CLYBL: variants seen among roughly 807,000 people sequenced by gnomAD.
The protein encoded by CLYBL is citramalyl-CoA lyase, mitochondrial.
In CLYBL, 31 loss-of-function variants were observed where a neutral mutation model predicts 38.9. The observed-to-expected ratio is 0.80, with a 90% confidence interval of 0.60 to 1.08. CLYBL has a LOEUF of 1.08. Among genes scored for constraint, CLYBL ranks in the 50% least tolerant of loss-of-function variants. The pLI is 0.00. For synonymous variants in CLYBL, 171 were observed against 158.6 expected (o/e 1.08, Z -0.59); for missense variants, 434 against 411.6 (o/e 1.05, Z -0.47).
chr13:99,704,379 C>T (rs113959544), intron 1 of CLYBL, among the ~76,000 whole-genome samples: 32 of 152,294 alleles, frequency 2.1e-4, no homozygotes, highest in African/African-American at 6.3e-4. Flanking sequence ...CCCAGTTATA[C>T]GGATGTCCTC....
At chr13:99,633,451 C>T (rs908395872) in intron 1 of CLYBL, among the ~76,000 whole-genome samples, 1 of 150,082 alleles carries the variant, frequency 6.7e-6, no homozygotes, top group African/African-American at 2.5e-5. Flanking sequence ...ACAAAAATCG[C>T]TTGAGCCTGG....
rs931117367 is a variant in CLYBL at position 99,797,202 on chromosome 13, AGAAAT to A, written c.249+24197_249+24201del. Among the ~76,000 whole-genome samples, 7 of 152,344 alleles carry A rather than the reference AGAAAT, an allele frequency of 4.6e-5. No individual in the cohort carries two copies. The South Asian group carries it at 6.2e-4, about 14-fold the overall frequency. ...CTCATATAGATGCATGTGTGGAGACAGAAATGAAAGAACTCAAGTCATGAGTTGAA... is the reference window on the plus strand; with the variant it reads ...CTCATATAGATGCATGTGTGGAGACAGAAAGAACTCAAGTCATGAGTTGAA... On this transcript the variant is annotated intron_variant, in intron 2 of 8. Transcript: ENST00000339105.
chr13:99,635,809 A>G (rs970405198), intron 1 of CLYBL, among the ~76,000 whole-genome samples: 8 of 152,174 alleles, frequency 5.3e-5, no homozygotes, highest in Non-Finnish European at 1.2e-4. Flanking sequence ...TAATCTCCCC[A>G]GTCTCAGTTT....
intron 1 of CLYBL, among the ~76,000 whole-genome samples, chr13:99,620,702 G>A (rs1291332934): frequency 2.0e-5 from 3 of 151,988 alleles, no homozygotes; most frequent in African/African-American, 4.8e-5. Context: ...GCTTAAACCC[G>A]GAAGGTGGAG....
At chr13:99,786,465 T>A (rs1442537670) in intron 2 of CLYBL, among the ~76,000 whole-genome samples, 8 of 152,156 alleles carry the variant, frequency 5.3e-5, no homozygotes, top group African/African-American at 1.9e-4. Context: ...TGTTTGGTTT[T>A]TTGTTCTTGT....
intron 1 of CLYBL, among the ~76,000 whole-genome samples, chr13:99,741,710 C>A (rs2048759533): frequency 6.6e-6 from 1 of 152,186 alleles, no homozygotes; most frequent in Admixed American, 6.5e-5. Context: ...CTCCTGACCT[C>A]AGGTGATCCA....
chr13:99,879,399 AC>A (rs1186066019), intron 7 of CLYBL, among the ~76,000 whole-genome samples: 3 of 151,958 alleles, frequency 2.0e-5, no homozygotes, highest in Non-Finnish European at 4.4e-5. Flanking sequence ...TCTTTGCTAC[AC>A]CTCTTCCTTT....
rs557696204 is a variant in CLYBL at position 99,866,351 on chromosome 13, G to C, written c.746G>C (p.Arg249Pro). The C allele has an allele frequency of 9.9e-6, 16 of 1,614,144 alleles. 1 individual carries two copies. In the South Asian group the frequency reaches 1.8e-4, roughly 18 times the overall value. The part of the protein sequence containing the change: ...QAIDLVYIDF[R>P]DGAGLLRQSR... ...ATAGATCTGGTGTACATTGACTTTCGAGATGGAGCTGGGCTGCTTAGACAG... is the reference window on the plus strand; with the variant it reads ...ATAGATCTGGTGTACATTGACTTTCCAGATGGAGCTGGGCTGCTTAGACAG... Residue 249 changes from arginine (R) to proline (P), a missense_variant, in exon 6 of 9, where the codon CGA becomes CCA. By Grantham distance (103) the Arg-to-Pro change is moderately radical (BLOSUM62 -2). Transcript: ENST00000339105.
At chr13:99,759,336 G>T (rs760528556) in intron 1 of CLYBL, among the ~76,000 whole-genome samples, 3 of 152,214 alleles carry the variant, frequency 2.0e-5, no homozygotes, top group Non-Finnish European at 2.9e-5. Flanking sequence ...GAAGCAACAG[G>T]TGGTGGATTG....
intron 1 of CLYBL, among the ~76,000 whole-genome samples, chr13:99,701,995 G>A (rs1048536494): frequency 2.0e-5 from 3 of 152,176 alleles, no homozygotes; most frequent in Admixed American, 2.0e-4. Context: ...TCCCCTGTAA[G>A]TAGCAGCCAA....
intron 7 of CLYBL, among the ~76,000 whole-genome samples, chr13:99,879,949 G>A (rs1171862351): frequency 6.6e-6 from 1 of 151,780 alleles, no homozygotes; most frequent in Non-Finnish European, 1.5e-5. Flanking sequence ...AACAGTAGTG[G>A]TGGCCATCAT....
At position 99,849,783 on chromosome 13, in the gene CLYBL, T is replaced by G. The variant is rs1003133156; in HGVS notation, c.250-9078T>G. ...GAGGAAGAGAGGGGAAGGTGACGGA[T>G]AGGGCTATGGCAGCAGAGAGCCAGC... On this transcript the variant is annotated intron_variant, in intron 2 of 8. Coordinates refer to ENST00000339105, the MANE Select transcript of CLYBL (RefSeq NM_206808.5). This position sits in a 1 kb window ranked among gnomAD's most constrained non-coding sequence, Gnocchi z 4.9. Among the ~76,000 whole-genome samples, 2 of 152,082 alleles carry G rather than the reference T, an allele frequency of 1.3e-5. No homozygotes were observed. The highest frequency in any genetic ancestry group is 2.9e-5 in the Non-Finnish European group (2 of 68,002).
At chr13:99,818,484 C>CAT (rs1392143824) in intron 2 of CLYBL, among the ~76,000 whole-genome samples, 1 of 148,836 alleles carries the variant, frequency 6.7e-6, no homozygotes, top group Non-Finnish European at 1.5e-5. Flanking sequence ...CACACACACA[C>CAT]GGACACACAC....
At chr13:99,625,016 T>C (rs1463526500) in intron 1 of CLYBL, among the ~76,000 whole-genome samples, 5 of 152,212 alleles carry the variant, frequency 3.3e-5, no homozygotes, top group African/African-American at 7.2e-5. Flanking sequence ...TGATAGAAAG[T>C]GTGGACTCAT....
chr13:99,761,307 C>T (rs904477299), intron 1 of CLYBL, among the ~76,000 whole-genome samples: 11 of 152,138 alleles, frequency 7.2e-5, no homozygotes, highest in Middle Eastern at 3.2e-3. Flanking sequence ...GAGCCAAGAT[C>T]GTGCCACTCC....
chr13:99,893,674 GCAGC>G (rs965781360), downstream of CLYBL: 2 of 153,252 alleles, frequency 1.3e-5, no homozygotes, highest in Non-Finnish European at 2.9e-5. Flanking sequence ...AGCCCCACAG[GCAGC>G]CAGCCAGCCA....
intron 6 of CLYBL, among the ~76,000 whole-genome samples, chr13:99,867,596 C>T (rs756585474): frequency 3.3e-5 from 5 of 152,058 alleles, no homozygotes; most frequent in East Asian, 1.9e-4. Context: ...CGTTTCATAG[C>T]GACTGAGGAA....
intron 2 of CLYBL, among the ~76,000 whole-genome samples, chr13:99,825,754 G>A (rs2050682622): frequency 6.6e-6 from 1 of 152,200 alleles, no homozygotes; most frequent in Non-Finnish European, 1.5e-5. Context: ...GTCAGGAACT[G>A]GGCAGGTGGG....
intron 2 of CLYBL, among the ~76,000 whole-genome samples, chr13:99,786,780 A>G (rs562189898): frequency 2.0e-5 from 3 of 152,232 alleles, no homozygotes; most frequent in African/African-American, 7.2e-5. Context: ...AGGAATCGCC[A>G]CACTGTCTTC....
Sources: allele counts gnomAD v4.1 joint callset (sites outside exome capture counted in the v4.1 genomes callset), GRCh38; gene constraint gnomAD v4.1.1; non-coding constraint Gnocchi (gnomAD v3.1); transcripts MANE v1.5; gene names NCBI Gene and HGNC (gene_info 2026-07-23, HGNC 2026-07-21).